Variants in TENM2 observed in about 807,000 individuals in gnomAD.
TENM2 encodes the protein teneurin-2.
In TENM2, 52 loss-of-function variants were observed where a neutral mutation model predicts 245.2. The observed-to-expected ratio is 0.21, with a 90% CI of 0.17 to 0.27. The LOEUF is 0.27. Among genes scored for constraint, TENM2 ranks in the 10% least tolerant of loss-of-function variants. The pLI, the probability that TENM2 is intolerant of heterozygous loss-of-function variation, is 1.00. For synonymous variants in TENM2, 1,363 were observed against 1,438.9 expected (o/e 0.95, Z 1.19); for missense variants, 3,046 against 3,666.8 (o/e 0.83, Z 4.37).
intron 2 of TENM2, among the ~76,000 whole-genome samples, chr5:167,708,078 G>A (rs1758654991): frequency 6.6e-6 from 1 of 152,130 alleles, no homozygotes; most frequent in Admixed American, 6.5e-5. Flanking sequence ...GGGTTGGATA[G>A]ACAAATCGAT....
At chr5:168,068,497 G>C (rs1257002893) in intron 7 of TENM2, among the ~76,000 whole-genome samples, 1 of 152,042 alleles carries the variant, frequency 6.6e-6, no homozygotes, top group Non-Finnish European at 1.5e-5. Context: ...TCCATGTTTA[G>C]TATTATCATG....
intron 2 of TENM2, among the ~76,000 whole-genome samples, chr5:167,641,918 G>A (rs148763402): frequency 2.6e-5 from 4 of 152,076 alleles, no homozygotes; most frequent in African/African-American, 7.2e-5. Flanking sequence ...CGAGGTGGGC[G>A]AATCATGAGG....
the TENM2 span, among the ~76,000 whole-genome samples, chr5:167,230,162 C>T: frequency 2.0e-5 from 3 of 152,156 alleles, no homozygotes; most frequent in African/African-American, 7.2e-5. Context: ...CATGAGTTCT[C>T]TCTCTGGAGC....
At chr5:167,384,341 T>A (rs1013420619) in intron 2 of TENM2, among the ~76,000 whole-genome samples, 1 of 152,132 alleles carries the variant, frequency 6.6e-6, no homozygotes, top group Non-Finnish European at 1.5e-5. Context: ...GGGTCGGGAC[T>A]TTTATGTATG....
intron 12 of TENM2, among the ~76,000 whole-genome samples, chr5:168,154,321 A>G (rs999452114): frequency 2.0e-5 from 3 of 151,966 alleles, no homozygotes; most frequent in African/African-American, 4.8e-5. Flanking sequence ...GCTTCAAGCA[A>G]TTCTCCTGCC....
intron 2 of TENM2, among the ~76,000 whole-genome samples, chr5:167,389,286 A>T (rs908403020): frequency 6.6e-6 from 1 of 150,978 alleles, no homozygotes; most frequent in Non-Finnish European, 1.5e-5. Context: ...GCATATAGGC[A>T]TGAAAAAGAA....
intron 25 of TENM2, among the ~76,000 whole-genome samples, chr5:168,228,956 T>G (rs1333814165): frequency 6.8e-6 from 1 of 148,002 alleles, no homozygotes; most frequent in Non-Finnish European, 1.5e-5. Context: ...ATACATTATA[T>G]GTATACATAA....
chr5:167,219,883 A>G, the TENM2 span, among the ~76,000 whole-genome samples: 1 of 152,232 alleles, frequency 6.6e-6, no homozygotes, highest in African/African-American at 2.4e-5. Context: ...CACATTCAGC[A>G]TATCTGTAGT....
At chr5:168,231,767 C>CA (rs1562312941) in intron 25 of TENM2, among the ~76,000 whole-genome samples, 23 of 148,376 alleles carry the variant, frequency 1.6e-4, no homozygotes, top group African/African-American at 5.6e-4. Flanking sequence ...CAACAACAAA[C>CA]AACAACAACA....
chr5:167,461,660 C>T (rs1400291116), intron 2 of TENM2, among the ~76,000 whole-genome samples: 1 of 152,174 alleles, frequency 6.6e-6, no homozygotes, highest in Non-Finnish European at 1.5e-5. Context: ...CCTTCTCTTG[C>T]ATGTATCTTA....
intron 3 of TENM2, among the ~76,000 whole-genome samples, chr5:167,907,565 ATATATATG>A (rs1329845567): frequency 1.0e-3 from 107 of 104,496 alleles, no homozygotes; most frequent in Non-Finnish European, 1.7e-3. Context: ...ATATATATAT[ATATATATG>A]TATGTATTAT....
At chr5:167,519,398 T>C (rs1474688449) in intron 2 of TENM2, among the ~76,000 whole-genome samples, 1 of 152,130 alleles carries the variant, frequency 6.6e-6, no homozygotes, top group Non-Finnish European at 1.5e-5. Context: ...TTGATCCCTT[T>C]ATATAGTAGG....
chr5:167,387,250 T>TTTG (rs35366640), intron 2 of TENM2, among the ~76,000 whole-genome samples: 51,575 of 151,236 alleles, frequency 0.34, 9,402 homozygotes, highest in African/African-American at 0.49. Context: ...TCCTAAGTGT[T>TTTG]TTGTTGTTGT....
At chr5:167,077,185 T>C in the TENM2 span, among the ~76,000 whole-genome samples, 5 of 152,336 alleles carry the variant, frequency 3.3e-5, no homozygotes, top group East Asian at 7.7e-4. Flanking sequence ...TTTCACAAAA[T>C]ATTTTGTTGG....
At chr5:167,331,004 G>A (rs969206358) in intron 1 of TENM2, among the ~76,000 whole-genome samples, 14 of 152,018 alleles carry the variant, frequency 9.2e-5, no homozygotes, top group Admixed American at 5.9e-4. Flanking sequence ...TTGGGAGGCC[G>A]AGGAGGGCAG....
the TENM2 span, among the ~76,000 whole-genome samples, chr5:167,064,295 C>A: frequency 6.6e-6 from 1 of 152,196 alleles, no homozygotes; most frequent in African/African-American, 2.4e-5. Flanking sequence ...CTTCCACGGC[C>A]CAATTTGTTA....
chr5:168,073,029 T>A (rs1178482872), intron 7 of TENM2, among the ~76,000 whole-genome samples: 1 of 152,086 alleles, frequency 6.6e-6, no homozygotes, highest in Non-Finnish European at 1.5e-5. Context: ...GTAGCAGAGG[T>A]TTGGGGTGCC....
chr5:167,697,938 G>C (rs990218156), intron 2 of TENM2, among the ~76,000 whole-genome samples: 13 of 152,108 alleles, frequency 8.5e-5, no homozygotes, highest in Non-Finnish European at 1.5e-4. Context: ...ATAAGTCATC[G>C]GGAACTTGAA....
chr5:168,231,773 C>CAACA (rs1352201974), intron 25 of TENM2, among the ~76,000 whole-genome samples: 1 of 148,500 alleles, frequency 6.7e-6, no homozygotes, highest in Non-Finnish European at 1.5e-5. Flanking sequence ...CAAACAACAA[C>CAACA]AACAACCAAA....
Sources: allele counts gnomAD v4.1 joint callset (sites outside exome capture counted in the v4.1 genomes callset), GRCh38; gene constraint gnomAD v4.1.1; transcripts MANE v1.5; gene names NCBI Gene and HGNC (gene_info 2026-07-23, HGNC 2026-07-21).